ATP10A: variants seen among roughly 807,000 people sequenced by gnomAD.
ATP10A encodes the protein phospholipid-transporting ATPase VA.
ATP10A carries 111 observed loss-of-function variants against 147.8 expected under a neutral mutation model. That is an observed-to-expected ratio of 0.75 (90% confidence interval 0.64 to 0.88). ATP10A has a LOEUF of 0.88. Among genes scored for constraint, ATP10A ranks in the 40% least tolerant of loss-of-function variants. The pLI, the probability that ATP10A is intolerant of heterozygous loss-of-function variation, is 0.00. For missense variants in ATP10A, 1,927 were observed against 1,959.0 expected (o/e 0.98, Z 0.31); for synonymous variants, 875 against 841.6 (o/e 1.04, Z -0.69).
intron 16 of ATP10A, 143 bp downstream of exon 16, chr15:25,687,560 G>A: frequency 3.3e-6 from 2 of 601,614 alleles, no homozygotes; most frequent in South Asian, 3.8e-5. Context: ...CCCAGGACAG[G>A]GGACAATTAC....
At chr15:25,834,900 C>T (rs371519751) in intron 1 of ATP10A, among the ~76,000 whole-genome samples, 4 of 152,120 alleles carry the variant, frequency 2.6e-5, no homozygotes, top group Non-Finnish European at 5.9e-5. Flanking sequence ...TTGTGAAATG[C>T]GCAGACTAGG....
intron 12 of ATP10A, among the ~76,000 whole-genome samples, chr15:25,702,820 A>C (rs1290635885): frequency 6.6e-6 from 1 of 150,856 alleles, no homozygotes; most frequent in Non-Finnish European, 1.5e-5. Flanking sequence ...CCCACTCTGG[A>C]AGTGAGCTGC....
intron 1 of ATP10A, among the ~76,000 whole-genome samples, chr15:25,791,054 GCTTCGT>G (rs1890396451): frequency 6.7e-6 from 1 of 148,770 alleles, no homozygotes; most frequent in South Asian, 2.2e-4. Flanking sequence ...AAAACCAGCT[GCTTCGT>G]CTTTTTAAAA....
intron 2 of ATP10A, among the ~76,000 whole-genome samples, chr15:25,761,159 G>GA (rs1295467711): frequency 1.3e-5 from 2 of 152,082 alleles, no homozygotes; most frequent in East Asian, 3.9e-4. Flanking sequence ...TATACTGAGA[G>GA]AAAAAAGTCA....
intron 2 of ATP10A, among the ~76,000 whole-genome samples, chr15:25,762,882 T>C (rs568754204): frequency 6.6e-6 from 1 of 152,218 alleles, no homozygotes. Context: ...AAATTATACA[T>C]TTTAAATATG....
At chr15:25,861,310 G>A (rs1159307989) in intron 1 of ATP10A, among the ~76,000 whole-genome samples, 1 of 152,148 alleles carries the variant, frequency 6.6e-6, no homozygotes, top group Non-Finnish European at 1.5e-5. Flanking sequence ...TCAGAAGCAC[G>A]AGCAAAGAAA....
chr15:25,715,227 C>T (rs1216279298), intron 9 of ATP10A, among the ~76,000 whole-genome samples: 1 of 152,214 alleles, frequency 6.6e-6, no homozygotes, highest in Non-Finnish European at 1.5e-5. Context: ...GATACAGGTG[C>T]TTTTCCTTTG....
chr15:25,862,230 T>C, intron 1 of ATP10A: 1 of 467,678 alleles, frequency 2.1e-6, no homozygotes, highest in South Asian at 1.5e-5. Flanking sequence ...TTTACTGTCC[T>C]GTGCCGGCTG....
intron 14 of ATP10A, among the ~76,000 whole-genome samples, chr15:25,692,036 C>T (rs1194522774): frequency 1.3e-5 from 2 of 152,108 alleles, no homozygotes; most frequent in Admixed American, 1.3e-4. Flanking sequence ...GTACATGGCG[C>T]CTGCTCTGCA....
At chr15:25,827,038 A>C (rs1051538301) in intron 1 of ATP10A, among the ~76,000 whole-genome samples, 6 of 152,250 alleles carry the variant, frequency 3.9e-5, no homozygotes, top group African/African-American at 1.4e-4. Context: ...AAGTCATACA[A>C]GGGACCTTCA....
intron 1 of ATP10A, among the ~76,000 whole-genome samples, chr15:25,844,789 G>T (rs1892946341): frequency 6.6e-6 from 1 of 152,158 alleles, no homozygotes; most frequent in Admixed American, 6.5e-5. Flanking sequence ...TTGCCGTCTG[G>T]GGACATGCTT....
intron 15 of ATP10A, among the ~76,000 whole-genome samples, chr15:25,690,121 G>A (rs1335071694): frequency 2.0e-5 from 3 of 152,038 alleles, no homozygotes; most frequent in African/African-American, 4.8e-5. Context: ...AATAGCCTAC[G>A]GTTGATGGGA....
At chr15:25,833,694 C>G (rs1323704671) in intron 1 of ATP10A, among the ~76,000 whole-genome samples, 2 of 152,210 alleles carry the variant, frequency 1.3e-5, no homozygotes. Flanking sequence ...TTAAAATCTA[C>G]TCTCAGCCGG....
rs112145789 is a variant in ATP10A, at chr15:25,757,844, C to T, written c.655-21703G>A. On this transcript the variant is annotated intron_variant, in intron 2 of 20. Coordinates refer to ENST00000555815, the MANE Select transcript of ATP10A (RefSeq NM_024490.4). ...CCTGCTCCACCCTAACTCATTCCGA[C>T]CACCTGCTCCACCCTAACTCATTCC... 3.8e-3 allele frequency among the ~76,000 whole-genome samples: 515 copies of T among 136,572 alleles called. 14 individuals are homozygous for T. Among genetic ancestry groups the T allele is most frequent in the African/African-American group, 9.6e-3 (341 of 35,602 alleles). The allele number at this position is 136,572 out of a possible 152,430, so 89.6% of individuals were successfully genotyped here.
chr15:25,710,618 A>G (rs1901350210), intron 10 of ATP10A: 1 of 152,220 alleles, frequency 6.6e-6, no homozygotes, highest in Non-Finnish European at 1.5e-5. Flanking sequence ...TAAGCTTTAC[A>G]AGCGATATTT....
intron 1 of ATP10A, among the ~76,000 whole-genome samples, chr15:25,828,214 T>C (rs1016244808): frequency 1.3e-5 from 2 of 152,176 alleles, no homozygotes; most frequent in African/African-American, 4.8e-5. Context: ...GAGAATCCAG[T>C]GCCCCACTTT....
intron 3 of ATP10A, among the ~76,000 whole-genome samples, chr15:25,734,537 T>C (rs994252635): frequency 9.9e-5 from 15 of 152,240 alleles, no homozygotes; most frequent in African/African-American, 3.6e-4. Flanking sequence ...GATGGTGCCC[T>C]GCACACAAAC....
chr15:25,743,535 A>G (rs1426199953), intron 2 of ATP10A, among the ~76,000 whole-genome samples: 1 of 152,232 alleles, frequency 6.6e-6, no homozygotes, highest in African/African-American at 2.4e-5. Context: ...TTCCCTGAGG[A>G]GGGTCTACAG....
chr15:25,786,196 G>A (rs1266465571), intron 1 of ATP10A, among the ~76,000 whole-genome samples: 2 of 152,140 alleles, frequency 1.3e-5, no homozygotes, highest in Non-Finnish European at 2.9e-5. Flanking sequence ...CATCAGGGTG[G>A]GCCAGGGCTG....
Sources: gnomAD v4.1 joint callset for allele counts (sites outside exome capture counted in the v4.1 genomes callset) on GRCh38, gnomAD v4.1.1 for gene constraint, MANE v1.5 for transcripts, NCBI Gene and HGNC (gene_info 2026-07-23, HGNC 2026-07-21) for gene names.